Variants in PDGFD observed in about 807,000 individuals in gnomAD.
PDGFD encodes platelet derived growth factor D.
In PDGFD, 30 loss-of-function variants were observed where a neutral mutation model predicts 44.7. That is an observed-to-expected ratio of 0.67 (90% CI 0.50 to 0.91). PDGFD has a LOEUF of 0.91. Ranked by LOEUF, PDGFD falls within the 40% of genes least tolerant of loss-of-function variation. The probability of loss-of-function intolerance (pLI) is 0.00; values close to 1 mark genes in which losing one functional copy is unlikely to be tolerated. For missense variants in PDGFD, 445 were observed against 457.8 expected (o/e 0.97, Z 0.25); for synonymous variants, 173 against 168.4 (o/e 1.03, Z -0.21).
chr11:104,036,831 C>T (rs940567761), intron 1 of PDGFD: 1 of 1,613,170 alleles, frequency 6.2e-7, no homozygotes. Flanking sequence ...CCATGCTGAT[C>T]ACCGTGTACT....
At chr11:103,955,020 CGGGCGTA>C in intron 3 of PDGFD, among the ~76,000 whole-genome samples, 1 of 150,234 alleles carries the variant, frequency 6.7e-6, no homozygotes, top group South Asian at 2.1e-4. Context: ...AAAAATTAGC[CGGGCGTA>C]GTGGCGGGCG....
chr11:103,931,974 GTTC>G (rs991049817), intron 5 of PDGFD, among the ~76,000 whole-genome samples: 6 of 152,126 alleles, frequency 3.9e-5, no homozygotes, highest in Admixed American at 1.3e-4. Flanking sequence ...CCATGCTCTT[GTTC>G]TTCTGTTTTG....
At chr11:103,955,477 C>T (rs1242583928) in intron 3 of PDGFD, among the ~76,000 whole-genome samples, 3 of 152,106 alleles carry the variant, frequency 2.0e-5, no homozygotes, top group African/African-American at 7.2e-5. Context: ...TAGAATAAAG[C>T]AAAAATTAAA....
chr11:104,089,818 T>C (rs146625398), intron 1 of PDGFD, among the ~76,000 whole-genome samples: 1 of 152,294 alleles, frequency 6.6e-6, no homozygotes, highest in African/African-American at 2.4e-5. Context: ...ATGTCAAACA[T>C]AATCAATTAG....
At chr11:103,974,456 TTTA>T (rs1324674298) in intron 3 of PDGFD, among the ~76,000 whole-genome samples, 1 of 152,144 alleles carries the variant, frequency 6.6e-6, no homozygotes, top group African/African-American at 2.4e-5. Context: ...TGTTCACACT[TTTA>T]TTTATTTATT....
At chr11:104,060,909 T>C (rs899182710) in intron 1 of PDGFD, among the ~76,000 whole-genome samples, 6 of 152,230 alleles carry the variant, frequency 3.9e-5, no homozygotes, top group African/African-American at 1.4e-4. Context: ...TGGTATTAAT[T>C]ACATTTACAA....
intron 1 of PDGFD, among the ~76,000 whole-genome samples, chr11:104,033,981 C>G (rs1860172988): frequency 6.6e-6 from 1 of 152,070 alleles, no homozygotes. Context: ...AAAAATAATC[C>G]TTATATGATG....
intron 1 of PDGFD, among the ~76,000 whole-genome samples, chr11:104,062,847 G>C (rs1860735210): frequency 6.6e-6 from 1 of 152,172 alleles, no homozygotes; most frequent in Admixed American, 6.5e-5. Context: ...GATCAGATAT[G>C]CAGCCTTCTC....
chr11:104,107,202 C>G (rs1861483368), intron 1 of PDGFD, among the ~76,000 whole-genome samples: 1 of 152,116 alleles, frequency 6.6e-6, no homozygotes, highest in Non-Finnish European at 1.5e-5. Context: ...CCCAAAGAGA[C>G]CGAATCACAT....
At chr11:104,002,199 C>A (rs915246932) in intron 1 of PDGFD, among the ~76,000 whole-genome samples, 1 of 152,140 alleles carries the variant, frequency 6.6e-6, no homozygotes. Context: ...GCTGCGAAAA[C>A]TGGTGTCTGC....
intron 1 of PDGFD, among the ~76,000 whole-genome samples, chr11:104,034,154 T>C (rs1860178755): frequency 6.6e-6 from 1 of 152,166 alleles, no homozygotes; most frequent in Non-Finnish European, 1.5e-5. Flanking sequence ...ATCTTCTTCA[T>C]CTCTTCTTCA....
Position 104,162,575 on chromosome 11 carries a change from C to T in PDGFD, c.124+1229G>A, listed in dbSNP as rs1281807612. Among the ~76,000 whole-genome samples the T allele has an allele frequency of 2.0e-5, 3 of 151,540 alleles. No homozygotes were observed. In the East Asian group the frequency reaches 5.9e-4, roughly 30 times the overall value. On this transcript the variant is annotated intron_variant, in intron 1 of 6. Transcript: ENST00000393158. The stretch of plus-strand genomic sequence containing the variant: ...ATGAAAAAGTAAGATGACTCTGTGG[C>T]TTCCCCTGCTACAAATCTACACCAC...
At chr11:104,012,462 T>G (rs1462614005) in intron 1 of PDGFD, among the ~76,000 whole-genome samples, 1 of 152,242 alleles carries the variant, frequency 6.6e-6, no homozygotes, top group Non-Finnish European at 1.5e-5. Flanking sequence ...GTGCTTTTAA[T>G]GCAGACCTTT....
intron 1 of PDGFD, among the ~76,000 whole-genome samples, chr11:104,132,317 TG>T (rs1438019445): frequency 6.6e-6 from 1 of 152,156 alleles, no homozygotes; most frequent in East Asian, 1.9e-4. Flanking sequence ...AGCCTTGACA[TG>T]TGCATACCTA....
intron 1 of PDGFD, among the ~76,000 whole-genome samples, chr11:104,161,572 A>G (rs965600599): frequency 6.6e-6 from 1 of 152,178 alleles, no homozygotes; most frequent in Non-Finnish European, 1.5e-5. Flanking sequence ...CATCCCTTAA[A>G]GACTCTTTTT....
chr11:104,061,519 T>C (rs1479521158), intron 1 of PDGFD, among the ~76,000 whole-genome samples: 2 of 152,224 alleles, frequency 1.3e-5, no homozygotes, highest in Non-Finnish European at 2.9e-5. Context: ...AACAGATGAA[T>C]GGATAAACAA....
chr11:104,121,311 C>CA (rs35195104), intron 1 of PDGFD, among the ~76,000 whole-genome samples: 98,433 of 151,692 alleles, frequency 0.65, 32,533 homozygotes, highest in African/African-American at 0.79. Context: ...AATTTTAATT[C>CA]GTGAAGTAAT....
intron 1 of PDGFD, among the ~76,000 whole-genome samples, chr11:104,007,153 A>G (rs1859714621): frequency 6.6e-6 from 1 of 152,166 alleles, no homozygotes; most frequent in Non-Finnish European, 1.5e-5. Flanking sequence ...CGCAAGTCCT[A>G]TGCGGGGGAT....
chr11:104,009,651 A>T (rs1473231971), intron 1 of PDGFD, among the ~76,000 whole-genome samples: 1 of 152,092 alleles, frequency 6.6e-6, no homozygotes, highest in Non-Finnish European at 1.5e-5. Flanking sequence ...CTTAAAAATG[A>T]ATAGGTCAAT....
Sources: gnomAD v4.1 joint callset for allele counts (sites outside exome capture counted in the v4.1 genomes callset) on GRCh38, gnomAD v4.1.1 for gene constraint, MANE v1.5 for transcripts, NCBI Gene and HGNC (gene_info 2026-07-23, HGNC 2026-07-21) for gene names.